PKD2L1: variants seen among roughly 807,000 people sequenced by gnomAD.
The protein encoded by PKD2L1 is polycystin-2-like protein 1.
Under a neutral mutation model 93.0 loss-of-function variants are expected in PKD2L1, and 77 were observed. That is an observed-to-expected ratio of 0.83 (90% CI 0.69 to 1.00). The LOEUF (loss-of-function observed/expected upper bound fraction) is 1.00. Among genes scored for constraint, PKD2L1 ranks in the 50% least tolerant of loss-of-function variants. The probability of loss-of-function intolerance (pLI) is 0.00; values close to 1 mark genes in which losing one functional copy is unlikely to be tolerated. For missense variants in PKD2L1, 977 were observed against 990.9 expected (o/e 0.99, Z 0.19); for synonymous variants, 390 against 388.0 (o/e 1.01, Z -0.06).
At chr10:100,306,556 A>G (rs1323742459) in intron 2 of PKD2L1, among the ~76,000 whole-genome samples, 1 of 152,112 alleles carries the variant, frequency 6.6e-6, no homozygotes, top group Non-Finnish European at 1.5e-5. Context: ...ATTATTGCAG[A>G]AGAAAACTGA....
chr10:100,303,196 T>G (rs1848723417), intron 2 of PKD2L1, among the ~76,000 whole-genome samples: 1 of 148,304 alleles, frequency 6.7e-6, no homozygotes, highest in Admixed American at 6.8e-5. Context: ...AAACTGTTTT[T>G]TTGTTTTTTT....
At chr10:100,320,704 A>C (rs1268315194) in intron 2 of PKD2L1, among the ~76,000 whole-genome samples, 1 of 152,244 alleles carries the variant, frequency 6.6e-6, no homozygotes, top group Non-Finnish European at 1.5e-5. Flanking sequence ...CAAGTAAATT[A>C]ATGTGAGTTG....
chr10:100,296,595 G>A (rs1351911256), intron 6 of PKD2L1, among the ~76,000 whole-genome samples: 2 of 152,120 alleles, frequency 1.3e-5, no homozygotes, highest in Non-Finnish European at 2.9e-5. Flanking sequence ...TCCAAGCTTT[G>A]GTCAGGAATT....
chr10:100,307,175 T>C (rs537799064), intron 2 of PKD2L1, among the ~76,000 whole-genome samples: 1 of 152,342 alleles, frequency 6.6e-6, no homozygotes, highest in African/African-American at 2.4e-5. Context: ...TGTTAAGTGC[T>C]TGACATGCTT....
chr10:100,294,700 C>A (rs776181312), intron 8 of PKD2L1, 45 bp from the exon 9 acceptor site: 6 of 1,611,994 alleles, frequency 3.7e-6, no homozygotes, highest in Non-Finnish European at 4.2e-6. Flanking sequence ...AACAAACACC[C>A]CCCATCCCAC....
chr10:100,316,403 C>T (rs1027588694), intron 2 of PKD2L1, among the ~76,000 whole-genome samples: 2 of 152,194 alleles, frequency 1.3e-5, no homozygotes, highest in African/African-American at 4.8e-5. Context: ...AACTCCTGAC[C>T]TCAGGTGATC....
At chr10:100,294,269 AC>A (rs1218812405) in intron 9 of PKD2L1, among the ~76,000 whole-genome samples, 1 of 152,096 alleles carries the variant, frequency 6.6e-6, no homozygotes, top group Non-Finnish European at 1.5e-5. Context: ...CTCATAAGGC[AC>A]TTTTCTCCCC....
chr10:100,290,629 T>G, intron 12 of PKD2L1, 110 bp from the exon 13 acceptor site: 1 of 685,790 alleles, frequency 1.5e-6, no homozygotes. Flanking sequence ...CAGGTCCTAG[T>G]TCTTGCTATT....
rs141625847 is a variant in PKD2L1, at chr10:100,315,119, G to A, written c.349+14092C>T. Among the ~76,000 whole-genome samples, 65 of 75,632 alleles carry A rather than the reference G, an allele frequency of 8.6e-4. 10 individuals are homozygous for A. Among genetic ancestry groups the A allele is most frequent in the African/African-American group, 1.9e-3 (37 of 19,290 alleles). The allele number at this position is 75,632 out of a possible 152,430, so 49.6% of individuals were successfully genotyped here. A position where few individuals can be genotyped will look rare whatever the true frequency, so the allele number is the denominator to read the frequency against. On this transcript the variant is annotated intron_variant, in intron 2 of 15. Transcript: ENST00000318222. Reference sequence around the variant, plus strand: ...GGGAAGGGAAGGGAAGGGAAGGGAAGAGAAAACAGTTGAAATGATTATATA... The same window carrying A: ...GGGAAGGGAAGGGAAGGGAAGGGAAAAGAAAACAGTTGAAATGATTATATA...
At chr10:100,314,447 C>T (rs569378319) in intron 2 of PKD2L1, among the ~76,000 whole-genome samples, 27 of 152,200 alleles carry the variant, frequency 1.8e-4, no homozygotes, top group African/African-American at 5.5e-4. Flanking sequence ...GAAGCAGGCA[C>T]GGGGACAGCC....
intron 2 of PKD2L1, among the ~76,000 whole-genome samples, chr10:100,302,793 T>A (rs1211918100): frequency 2.0e-5 from 3 of 152,220 alleles, no homozygotes; most frequent in Non-Finnish European, 4.4e-5. Context: ...AAGCTAATCC[T>A]GGACCATAAT....
At chr10:100,291,280 C>T (rs1848400092) in intron 12 of PKD2L1, 21 bp downstream of exon 12, 1 of 1,610,306 alleles carries the variant, frequency 6.2e-7, no homozygotes, top group Admixed American at 1.7e-5. Context: ...CACTGCCTCT[C>T]CACCCATCAG....
intron 11 of PKD2L1, 114 bp downstream of exon 11, chr10:100,292,834 C>T: frequency 9.1e-7 from 1 of 1,093,898 alleles, no homozygotes; most frequent in Middle Eastern, 2.2e-4. Context: ...GCCTGCAAGT[C>T]AAGATCAGAG....
rs574174065 is a variant in PKD2L1 at position 100,303,694 on chromosome 10, G to A, written c.350-3976C>T. ...TATTCACATTTCCCCATTCCACACT[G>A]TTAAGTCCAAGATATGGCTTTACTT... On this transcript the variant is annotated intron_variant, in intron 2 of 15. Coordinates refer to ENST00000318222, the MANE Select transcript of PKD2L1 (RefSeq NM_016112.3). Among the ~76,000 whole-genome samples the A allele has an allele frequency of 4.6e-5, 7 of 152,284 alleles. No individual in the cohort carries two copies. In the East Asian group the frequency reaches 1.3e-3, roughly 29 times the overall value.
rs541753162 is a variant in PKD2L1, at chr10:100,313,934, T to C, written c.350-14216A>G. 2.4e-3 allele frequency among the ~76,000 whole-genome samples: 371 copies of C among 152,290 alleles called. 2 individuals carry two copies. The highest frequency in any genetic ancestry group is 8.7e-3 in the African/African-American group (361 of 41,538). On this transcript the variant is annotated intron_variant, in intron 2 of 15. Coordinates refer to ENST00000318222, the MANE Select transcript of PKD2L1 (RefSeq NM_016112.3). Reference sequence around the variant, plus strand: ...CAGGAGGCTCTCAAATGGTTCCATATAAAGGGAAATCATATTTAAGTAATT... The same window carrying C: ...CAGGAGGCTCTCAAATGGTTCCATACAAAGGGAAATCATATTTAAGTAATT...
At chr10:100,321,850 AGAAGGCAG>A (rs1170443033) in intron 2 of PKD2L1, among the ~76,000 whole-genome samples, 1 of 7,526 alleles carries the variant, frequency 1.3e-4, no homozygotes, top group East Asian at 4.9e-3. Flanking sequence ...CAAGCAAGCA[AGAAGGCAG>A]GCAGGCAGGC....
At chr10:100,304,556 C>T (rs1848756275) in intron 2 of PKD2L1, among the ~76,000 whole-genome samples, 1 of 151,614 alleles carries the variant, frequency 6.6e-6, no homozygotes, top group African/African-American at 2.4e-5. Context: ...TGGGGTGGCA[C>T]TATCATAGCT....
chr10:100,294,633 G>A lies in PKD2L1; in HGVS notation c.1561C>T (p.Leu521Phe). ...ATAGCATTGTAGTCAAAGTCCCCGA[G>A]GATTATCCGGAACTGAGTGAAACTG... Reference protein sequence around the residue: ...KCIFTQFRIILGDFDYNAIDN... With the variant: ...KCIFTQFRIIFGDFDYNAIDN... The change falls in exon 9 of 16, where the codon CTC becomes TTC. Residue 521 changes from leucine (L) to phenylalanine (F), a missense_variant. Leu to Phe is a conservative substitution (Grantham distance 22). Coordinates refer to ENST00000318222, the MANE Select transcript of PKD2L1 (RefSeq NM_016112.3). 6.2e-7 allele frequency: 1 copy of A among 1,614,070 alleles called. No homozygotes were observed. Among genetic ancestry groups the A allele is most frequent in the East Asian group, 2.2e-5 (1 of 44,866 alleles).
At chr10:100,304,390 G>A (rs1308284951) in intron 2 of PKD2L1, among the ~76,000 whole-genome samples, 1 of 152,112 alleles carries the variant, frequency 6.6e-6, no homozygotes, top group Non-Finnish European at 1.5e-5. Flanking sequence ...CTATCAACCT[G>A]AATTATTCTA....
Sources: gnomAD v4.1 joint callset for allele counts (sites outside exome capture counted in the v4.1 genomes callset) on GRCh38, gnomAD v4.1.1 for gene constraint, MANE v1.5 for transcripts, NCBI Gene and HGNC (gene_info 2026-07-23, HGNC 2026-07-21) for gene names.